Variants in ADGRA3 observed in about 807,000 individuals in gnomAD.
ADGRA3 encodes the protein adhesion G protein-coupled receptor A3.
Under a neutral mutation model 119.8 loss-of-function variants are expected in ADGRA3, and 56 were observed. The ratio of observed to expected loss-of-function variants is 0.47; its 90% CI spans 0.38 to 0.58. The LOEUF is 0.58. ADGRA3 is among the 20% of genes least tolerant of loss of function. ADGRA3 has a pLI of 0.00. For synonymous variants in ADGRA3, 607 were observed against 623.8 expected (o/e 0.97, Z 0.40); for missense variants, 1,516 against 1,649.0 (o/e 0.92, Z 1.40).
intron 10 of ADGRA3, among the ~76,000 whole-genome samples, chr4:22,428,878 G>A: frequency 6.6e-6 from 1 of 152,122 alleles, no homozygotes; most frequent in East Asian, 1.9e-4. Flanking sequence ...CAGGGTTATG[G>A]CAAAGGTTAA....
rs1716778667 is a variant in ADGRA3, at chr4:22,445,027, T to C, written c.652A>G (p.Lys218Glu). ...GTGACTGGTTGGGCCTGCAGTGACT[T>C]AGGATAAACACACCTGGTATCCCGT... ...TVRDTRCVYP[K>E]SLQAQPVTGV... Residue 218 changes from lysine (K) to glutamate (E), a missense_variant, in exon 6 of 19, where the codon AAG (lysine) becomes GAG (glutamate). Physicochemically the swap from Lys to Glu is moderately conservative, Grantham distance 56 (BLOSUM62 1). Around this residue, in one of 2 missense-constraint regions of ADGRA3, gnomAD observed 428 missense variants for 541.9 expected, o/e 0.79. Coordinates refer to ENST00000334304, the MANE Select transcript of ADGRA3 (RefSeq NM_145290.4). The C allele has an allele frequency of 1.2e-6, 2 of 1,613,806 alleles. No individual in the cohort carries two copies. Among genetic ancestry groups the C allele is most frequent in the South Asian group, 1.1e-5 (1 of 91,072 alleles).
At chr4:22,480,303 C>T (rs1052484899) in intron 1 of ADGRA3, among the ~76,000 whole-genome samples, 1 of 152,074 alleles carries the variant, frequency 6.6e-6, no homozygotes, top group African/African-American at 2.4e-5. Context: ...TCACAAATAA[C>T]TTTTCACAGT....
chr4:22,451,589 T>C (rs1293976432), intron 4 of ADGRA3, among the ~76,000 whole-genome samples: 1 of 151,774 alleles, frequency 6.6e-6, no homozygotes, highest in African/African-American at 2.4e-5. Context: ...TCTGACACAC[T>C]TAAAGAAAGG....
intron 1 of ADGRA3, 117 bp from the exon 2 acceptor site, chr4:22,473,960 T>C (rs1304715865): frequency 5.4e-6 from 3 of 552,694 alleles, no homozygotes; most frequent in African/African-American, 1.9e-5. Context: ...TTAGCCAGAA[T>C]GTTTGAGATG....
intron 1 of ADGRA3, chr4:22,477,714 T>TA (rs1251937014): frequency 6.6e-6 from 1 of 152,178 alleles, no homozygotes; most frequent in East Asian, 1.9e-4. Context: ...TTGAGGAAAG[T>TA]AAAAAGGAAG....
chr4:22,453,953 T>C (rs931006713), intron 4 of ADGRA3, among the ~76,000 whole-genome samples: 2 of 151,998 alleles, frequency 1.3e-5, no homozygotes, highest in Admixed American at 1.3e-4. Flanking sequence ...GTCTGCCTCC[T>C]GGGTTCAAGC....
chr4:22,421,051 C>A lies in ADGRA3; in HGVS notation c.1644G>T (p.Lys548Asn). The stretch of plus-strand genomic sequence containing the variant: ...AGGTCATCCCCGTGAAGCCAGTAGA[C>A]TTGATGACATAAGCTTCCAGAGCAA... ...PNIALEAYVIKSTGFTGMTCT... is the reference protein window; with the variant it reads ...PNIALEAYVINSTGFTGMTCT... The change falls in exon 12 of 19, where the codon AAG becomes AAT. Residue 548 changes from lysine (K) to asparagine (N), a missense_variant. Coordinates refer to ENST00000334304, the MANE Select transcript of ADGRA3 (RefSeq NM_145290.4). The A allele has an allele frequency of 6.2e-7, 1 of 1,614,002 alleles. No individual in the cohort carries two copies. Among genetic ancestry groups the A allele is most frequent in the South Asian group, 1.1e-5 (1 of 91,074 alleles).
intron 1 of ADGRA3, among the ~76,000 whole-genome samples, chr4:22,475,674 C>A (rs955197305): frequency 1.3e-5 from 2 of 151,862 alleles, no homozygotes; most frequent in African/African-American, 4.8e-5. Flanking sequence ...TTGCAGTGAG[C>A]CGAGATCGTG....
intron 1 of ADGRA3, among the ~76,000 whole-genome samples, chr4:22,501,366 T>C (rs1453926121): frequency 6.6e-6 from 1 of 152,142 alleles, no homozygotes; most frequent in Non-Finnish European, 1.5e-5. Context: ...GGATCTTCAG[T>C]TTTACTTTAC....
intron 16 of ADGRA3, among the ~76,000 whole-genome samples, chr4:22,396,052 A>C (rs1015048059): frequency 2.0e-5 from 3 of 152,318 alleles, no homozygotes; most frequent in East Asian, 1.9e-4. Flanking sequence ...CTTTTATGGC[A>C]GAGCTAAGAA....
At chr4:22,477,491 A>G (rs1718090126) in intron 1 of ADGRA3, 1 of 152,220 alleles carries the variant, frequency 6.6e-6, no homozygotes, top group African/African-American at 2.4e-5. Context: ...AAAATAAACC[A>G]AAGAACAGGG....
At chr4:22,403,296 G>C (rs895744806) in intron 14 of ADGRA3, among the ~76,000 whole-genome samples, 2 of 152,078 alleles carry the variant, frequency 1.3e-5, no homozygotes, top group African/African-American at 4.8e-5. Flanking sequence ...TAGGGCATTG[G>C]AGACATAACG....
Position 22,401,538 on chromosome 4 carries a change from G to A in ADGRA3, c.2374C>T (p.Leu792Phe), listed in dbSNP as rs1714648517. The change falls in exon 16 of 19, where the codon CTC becomes TTC. Residue 792 changes from leucine (L) to phenylalanine (F), a missense_variant. Physicochemically the swap from Leu to Phe is conservative, Grantham distance 22. Around this residue, in one of 2 missense-constraint regions of ADGRA3, gnomAD observed 1,088 missense variants for 1,107.1 expected, o/e 0.98. Transcript: ENST00000334304. The part of the protein sequence containing the change: ...IYHHSLIRIS[L>F]KSWHMLVNLC... Reference sequence around the variant, plus strand: ...TTCACAAGCATGTGCCAGCTCTTGAGGCTGATTCTAATCAAACTGTTTAAA... The same window carrying A: ...TTCACAAGCATGTGCCAGCTCTTGAAGCTGATTCTAATCAAACTGTTTAAA... 6.2e-7 allele frequency: 1 copy of A among 1,604,658 alleles called. No individual in the cohort carries two copies. Among genetic ancestry groups the A allele is most frequent in the Admixed American group, 1.7e-5 (1 of 59,336 alleles).
At chr4:22,394,898 CTAAA>C (rs1430534568) in intron 16 of ADGRA3, 1 of 152,090 alleles carries the variant, frequency 6.6e-6, no homozygotes, top group Non-Finnish European at 1.5e-5. Flanking sequence ...AAGCAAATCA[CTAAA>C]TATTCTACAA....
intron 10 of ADGRA3, among the ~76,000 whole-genome samples, chr4:22,432,195 A>T (rs1448642703): frequency 2.0e-5 from 3 of 152,192 alleles, no homozygotes; most frequent in Non-Finnish European, 4.4e-5. Flanking sequence ...TCTCAAAGCC[A>T]GTATCAAAGT....
Position 22,436,513 on chromosome 4 carries a change from A to C in ADGRA3, c.1214T>G (p.Phe405Cys), listed in dbSNP as rs1269694285. ...KAWRRCDRGG[F>C]WADDDYSRCQ... ...GCGAGAATAATCATCATCTGCCCAA[A>C]AGCCACCTCTATCACATCTGCGCCA... The change falls in exon 9 of 19, where the codon TTT becomes TGT. Residue 405 changes from phenylalanine to cysteine, a missense_variant. Transcript: ENST00000334304. The C allele has an allele frequency of 6.2e-7, 1 of 1,613,330 alleles. No individual in the cohort carries two copies.
intron 3 of ADGRA3, among the ~76,000 whole-genome samples, chr4:22,460,880 G>T (rs374294762): frequency 6.6e-6 from 1 of 152,160 alleles, no homozygotes; most frequent in Non-Finnish European, 1.5e-5. Flanking sequence ...CTCAGTAAAC[G>T]CTTTCAGAAA....
chr4:22,449,284 T>C (rs977108381), intron 4 of ADGRA3, among the ~76,000 whole-genome samples: 1 of 146,208 alleles, frequency 6.8e-6, no homozygotes, highest in Admixed American at 6.8e-5. Flanking sequence ...AAAAAAAAAA[T>C]TTTTTTTAAG....
rs1217227687 is a variant in ADGRA3 at position 22,515,676 on chromosome 4, C to G, written c.109G>C (p.Ala37Pro). 8 of 1,143,040 alleles carry G rather than the reference C, an allele frequency of 7.0e-6. No homozygotes were observed. The highest frequency in any genetic ancestry group is 8.6e-6 in the Non-Finnish European group (8 of 932,586). The allele number at this position is 1,143,040 out of a possible 1,614,324, so 70.8% of individuals were successfully genotyped here. The change falls in exon 1 of 19, where the codon GCG (alanine) becomes CCG (proline). Residue 37 changes from alanine (A) to proline (P), a missense_variant. Physicochemically the swap from Ala to Pro is conservative, Grantham distance 27. This residue lies in a region of ADGRA3 where 428 missense variants were observed against 541.9 expected (regional missense o/e 0.79). Coordinates refer to ENST00000334304, the MANE Select transcript of ADGRA3 (RefSeq NM_145290.4). ...LLGGGGGGGA[A>P]ALPAGCKHDG... ...TGCTTGCAGCCGGCGGGCAGCGCCGCGGCGCCGCCGCCGCCGCCGCCTCCC... is the reference window on the plus strand; with the variant it reads ...TGCTTGCAGCCGGCGGGCAGCGCCGGGGCGCCGCCGCCGCCGCCGCCTCCC...
Sources: allele counts gnomAD v4.1 joint callset (sites outside exome capture counted in the v4.1 genomes callset), GRCh38; gene constraint gnomAD v4.1.1; regional missense constraint gnomAD v4.1.1; transcripts MANE v1.5; gene names NCBI Gene and HGNC (gene_info 2026-07-23, HGNC 2026-07-21).